RANBP9: variants seen among roughly 807,000 people sequenced by gnomAD.
The protein encoded by RANBP9 is RAN binding protein 9.
A neutral mutation model predicts 84.3 loss-of-function variants in RANBP9; 15 were observed. The ratio of observed to expected loss-of-function variants is 0.18; its 90% CI spans 0.12 to 0.27. RANBP9 has a LOEUF of 0.27. RANBP9 is among the 10% of genes least tolerant of loss of function. The probability of loss-of-function intolerance (pLI) is 1.00; values close to 1 mark genes in which losing one functional copy is unlikely to be tolerated. For synonymous variants in RANBP9, 392 were observed against 349.6 expected, an observed-to-expected ratio of 1.12 and a Z score of -1.35; for missense variants, 809 against 912.8, an observed-to-expected ratio of 0.89 and a Z score of 1.46.
chr6:13,659,764 A>G (rs991446306), intron 2 of RANBP9, among the ~76,000 whole-genome samples: 2 of 152,202 alleles, frequency 1.3e-5, no homozygotes, highest in African/African-American at 4.8e-5. Flanking sequence ...TTATTTAACT[A>G]TGAGACTTTT....
chr6:13,643,159 G>A (rs1368604521), intron 6 of RANBP9, among the ~76,000 whole-genome samples: 2 of 152,138 alleles, frequency 1.3e-5, no homozygotes, highest in Non-Finnish European at 2.9e-5. Flanking sequence ...CTAATTAAAG[G>A]AGGAATCAGC....
intron 4 of RANBP9, 50 bp downstream of exon 4, chr6:13,657,059 T>C (rs1217092015): frequency 6.8e-7 from 1 of 1,473,682 alleles, no homozygotes; most frequent in Non-Finnish European, 9.3e-7. Context: ...CCTGGAAGTA[T>C]AATAATCTCC....
chr6:13,703,218 G>A (rs534897814), intron 1 of RANBP9, among the ~76,000 whole-genome samples: 1 of 152,152 alleles, frequency 6.6e-6, no homozygotes, highest in Non-Finnish European at 1.5e-5. Context: ...GATGTCTGGG[G>A]ACCTACCATT....
chr6:13,688,467 T>G (rs1378686696), intron 2 of RANBP9, among the ~76,000 whole-genome samples: 1 of 152,194 alleles, frequency 6.6e-6, no homozygotes, highest in Non-Finnish European at 1.5e-5. Context: ...TTTGTTTATA[T>G]GTCTACTACT....
chr6:13,625,524 T>C (rs1202163762), intron 13 of RANBP9, 129 bp downstream of exon 13: 1 of 535,236 alleles, frequency 1.9e-6, no homozygotes, highest in African/African-American at 1.9e-5. Flanking sequence ...TTTTAGGTAT[T>C]TTTATATTTT....
chr6:13,691,646 TG>T (rs1038574444), intron 2 of RANBP9, among the ~76,000 whole-genome samples: 5 of 151,906 alleles, frequency 3.3e-5, no homozygotes, highest in Non-Finnish European at 5.9e-5. Flanking sequence ...GAAAACTCAG[TG>T]TTTTTTTTTT....
At chr6:13,636,099 A>G (rs1764931027) in intron 10 of RANBP9, among the ~76,000 whole-genome samples, 1 of 152,206 alleles carries the variant, frequency 6.6e-6, no homozygotes, top group Non-Finnish European at 1.5e-5. Context: ...GAATTTTCTC[A>G]GCCTGGACAG....
chr6:13,632,533 A>C lies in RANBP9; in HGVS notation c.1796-12T>G. The C allele has an allele frequency of 6.2e-7, 1 of 1,607,040 alleles. No homozygotes were observed. Among genetic ancestry groups the C allele is most frequent in the Non-Finnish European group, 8.5e-7 (1 of 1,173,858 alleles). ...ACTTGAATCAACTTCTGTAAGAAAA[A>C]CAGACAAGTATTTTACTACCTTATG... On this transcript the variant is annotated splice_polypyrimidine_tract_variant and intron_variant, in intron 11 of 13. Transcript: ENST00000011619.
At chr6:13,696,380 C>T (rs1404046946) in intron 2 of RANBP9, among the ~76,000 whole-genome samples, 1 of 152,144 alleles carries the variant, frequency 6.6e-6, no homozygotes, top group Non-Finnish European at 1.5e-5. Context: ...ACACATTTCC[C>T]AGCTGAAACC....
chr6:13,626,721 CACA>C (rs960425175), intron 12 of RANBP9, among the ~76,000 whole-genome samples: 70 of 152,290 alleles, frequency 4.6e-4, no homozygotes, highest in African/African-American at 1.5e-3. Flanking sequence ...AGTTCAGGAA[CACA>C]ACACTTTGAA....
intron 2 of RANBP9, among the ~76,000 whole-genome samples, chr6:13,677,182 A>G (rs1245928783): frequency 1.3e-5 from 2 of 152,234 alleles, no homozygotes; most frequent in African/African-American, 2.4e-5. Flanking sequence ...TACAAGGTTA[A>G]TATGCAGAAG....
At chr6:13,640,735 TA>T (rs1368000835) in intron 8 of RANBP9, among the ~76,000 whole-genome samples, 1 of 152,132 alleles carries the variant, frequency 6.6e-6, no homozygotes, top group Non-Finnish European at 1.5e-5. Context: ...TTCCAGGGGC[TA>T]GGGGGATGAA....
At chr6:13,709,892 C>T (rs566426477) in intron 1 of RANBP9, among the ~76,000 whole-genome samples, 100 of 152,334 alleles carry the variant, frequency 6.6e-4, no homozygotes, top group African/African-American at 2.4e-3. Context: ...CCCTTTACAG[C>T]CAATCAAAGT....
chr6:13,645,974 ATAAATGGT>A (rs1765167874), intron 5 of RANBP9, among the ~76,000 whole-genome samples: 1 of 152,240 alleles, frequency 6.6e-6, no homozygotes, highest in African/African-American at 2.4e-5. Flanking sequence ...GATTATGGAA[ATAAATGGT>A]TAAAGCAAAG....
intron 1 of RANBP9, among the ~76,000 whole-genome samples, chr6:13,697,506 T>G (rs1419959853): frequency 1.3e-5 from 2 of 152,190 alleles, no homozygotes; most frequent in African/African-American, 2.4e-5. Flanking sequence ...TAAACGTATT[T>G]TTTTCTTTTT....
Position 13,658,763 on chromosome 6 carries a change from T to C in RANBP9, c.736+17A>G, listed in dbSNP as rs370828917. 2.6e-6 allele frequency: 4 copies of C among 1,534,912 alleles called. No individual in the cohort carries two copies. Among genetic ancestry groups the C allele is most frequent in the Non-Finnish European group, 3.6e-6 (4 of 1,108,192 alleles). On this transcript the variant is annotated intron_variant, in intron 3 of 13. Transcript: ENST00000011619. ...CTACTCATAAGACATAATACTGTAA[T>C]TCAATTACAAGTGTACCTGGTAGTC...
chr6:13,648,371 C>T (rs1765220972), intron 5 of RANBP9, among the ~76,000 whole-genome samples: 1 of 152,008 alleles, frequency 6.6e-6, no homozygotes, highest in Non-Finnish European at 1.5e-5. Context: ...TAGTCTTGAT[C>T]TCTTGATCCG....
chr6:13,634,031 G>A (rs1426917474), intron 11 of RANBP9, among the ~76,000 whole-genome samples: 9 of 141,572 alleles, frequency 6.4e-5, no homozygotes, highest in African/African-American at 2.4e-4. Context: ...ACACGTTTAC[G>A]TTAAACTCAT....
At chr6:13,709,099 T>C (rs374097636) in intron 1 of RANBP9, among the ~76,000 whole-genome samples, 15 of 152,280 alleles carry the variant, frequency 9.9e-5, no homozygotes, top group African/African-American at 3.4e-4. Context: ...GTGTCAGAAA[T>C]ATTCCAAACT....
Sources: allele counts gnomAD v4.1 joint callset (sites outside exome capture counted in the v4.1 genomes callset), GRCh38; gene constraint gnomAD v4.1.1; transcripts MANE v1.5; gene names NCBI Gene and HGNC (gene_info 2026-07-23, HGNC 2026-07-21).